Variants in UBE4A observed in about 807,000 individuals in gnomAD.
UBE4A encodes ubiquitin conjugation factor E4 A.
Under a neutral mutation model 117.9 loss-of-function variants are expected in UBE4A, and 48 were observed. The ratio of observed to expected loss-of-function variants is 0.41; its 90% CI spans 0.32 to 0.52. The LOEUF (loss-of-function observed/expected upper bound fraction) is 0.52. Among genes scored for constraint, UBE4A ranks in the 20% least tolerant of loss-of-function variants. The pLI is 0.33. For missense variants in UBE4A, 1,067 were observed against 1,296.3 expected (o/e 0.82, Z 2.72); for synonymous variants, 407 against 450.0 (o/e 0.90, Z 1.21).
chr11:118,369,879 G>A (rs1591296050), intron 4 of UBE4A, among the ~76,000 whole-genome samples: 3 of 151,896 alleles, frequency 2.0e-5, no homozygotes, highest in Middle Eastern at 6.8e-3. Flanking sequence ...GGATCACGAG[G>A]TCAGGAGATC....
intron 19 of UBE4A, 46 bp downstream of exon 19, chr11:118,392,941 G>A: frequency 6.4e-7 from 1 of 1,572,154 alleles, no homozygotes; most frequent in South Asian, 1.2e-5. Context: ...ATATATATTA[G>A]TTTGCTATCT....
chr11:118,376,318 T>A (rs1948651920), intron 9 of UBE4A, among the ~76,000 whole-genome samples: 1 of 152,208 alleles, frequency 6.6e-6, no homozygotes, highest in South Asian at 2.1e-4. Flanking sequence ...ACAAAATAAA[T>A]ACAAATGATC....
In UBE4A at chr11:118,396,536, C is replaced by A; in HGVS notation, c.*96C>A. The A allele has an allele frequency of 8.5e-4, 891 of 1,053,252 alleles. No individual in the cohort carries two copies. Among genetic ancestry groups the A allele is most frequent in the Non-Finnish European group, 1.0e-3 (806 of 774,770 alleles). 65.2% of individuals were successfully genotyped at this position (1,053,252 alleles called of 1,614,324 possible). On this transcript the variant is annotated 3_prime_UTR_variant, in exon 20 of 20. Transcript: ENST00000252108. ...TCTGGTTCTGTTCCTTTTCTTTCTT[C>A]TTTTCTTTTTCTTTTTTTTTTTTTT...
At chr11:118,364,455 A>G (rs920725168) in intron 1 of UBE4A, among the ~76,000 whole-genome samples, 4 of 152,136 alleles carry the variant, frequency 2.6e-5, no homozygotes, top group African/African-American at 9.7e-5. Context: ...AGATTGCTTA[A>G]TCTATGTTAA....
chr11:118,383,938 A>G (rs1326114174), intron 13 of UBE4A, among the ~76,000 whole-genome samples: 1 of 152,222 alleles, frequency 6.6e-6, no homozygotes, highest in Non-Finnish European at 1.5e-5. Context: ...TGTATAATAA[A>G]TCATTGCAGT....
chr11:118,389,976 C>G, intron 17 of UBE4A, 71 bp downstream of exon 17: 1 of 1,386,076 alleles, frequency 7.2e-7, no homozygotes, highest in Non-Finnish European at 9.7e-7. Context: ...AGTAGAATGA[C>G]TGGTTGGTAA....
Position 118,371,668 on chromosome 11 carries a change from T to G in UBE4A, c.561+2T>G. The G allele has an allele frequency of 6.2e-7, 1 of 1,610,374 alleles. No homozygotes were observed. Among genetic ancestry groups the G allele is most frequent in the Non-Finnish European group, 8.5e-7 (1 of 1,179,678 alleles). ...TGCTTCCAGAGAGCCAAGGAAGAGG[T>G]AAAGGAATAATCCCCATTGAATACT... On this transcript the variant is annotated splice_donor_variant, in intron 5 of 19. Coordinates refer to ENST00000252108, the MANE Select transcript of UBE4A (RefSeq NM_001204077.2). LOFTEE classifies it high-confidence loss of function.
rs772231827 is a variant in UBE4A at position 118,368,778 on chromosome 11, G to T, written c.269G>T (p.Arg90Met). The T allele has an allele frequency of 6.2e-7, 1 of 1,614,132 alleles. No homozygotes were observed. The highest frequency in any genetic ancestry group is 8.5e-7 in the Non-Finnish European group (1 of 1,180,014). The change falls in exon 3 of 20, where the codon AGG becomes ATG. Residue 90 changes from arginine (R) to methionine (M), a missense_variant. Arg to Met is a moderately conservative substitution (Grantham distance 91, BLOSUM62 -1). This residue lies in a region of UBE4A where 1,001 missense variants were observed against 1,184.0 expected (regional missense o/e 0.85). Coordinates refer to ENST00000252108, the MANE Select transcript of UBE4A (RefSeq NM_001204077.2). ...CTCAACATCAATCACATGATCCAAA[G>T]GATCTTCCTTATTACTCTGGACAAC... ...EQLNINHMIQRIFLITLDNSD... is the reference protein window; with the variant it reads ...EQLNINHMIQMIFLITLDNSD...
intron 2 of UBE4A, among the ~76,000 whole-genome samples, chr11:118,368,427 C>G (rs1270496184): frequency 6.6e-6 from 1 of 152,170 alleles, no homozygotes; most frequent in African/African-American, 2.4e-5. Flanking sequence ...AAAACTTTTG[C>G]TTTGTAAAAT....
At chr11:118,368,892 G>T (rs1488060170) in intron 3 of UBE4A, 88 bp downstream of exon 3, 11 of 1,391,308 alleles carry the variant, frequency 7.9e-6, no homozygotes, top group Non-Finnish European at 1.1e-5. Context: ...ACAGCTAATG[G>T]TTAGATACAA....
At chr11:118,383,147 T>G (rs1479601369) in intron 13 of UBE4A, among the ~76,000 whole-genome samples, 1 of 152,200 alleles carries the variant, frequency 6.6e-6, no homozygotes, top group Non-Finnish European at 1.5e-5. Flanking sequence ...TGTTGCATCA[T>G]CAAATCAGAC....
At chr11:118,361,037 T>A (rs1948516970) in intron 1 of UBE4A, among the ~76,000 whole-genome samples, 1 of 137,022 alleles carries the variant, frequency 7.3e-6, no homozygotes. Flanking sequence ...TGAGACAGAG[T>A]CTGGCTCTGT....
chr11:118,379,907 AT>A (rs1233752905), intron 11 of UBE4A, among the ~76,000 whole-genome samples, 157 bp downstream of exon 11: 1 of 152,244 alleles, frequency 6.6e-6, no homozygotes, highest in Non-Finnish European at 1.5e-5. Flanking sequence ...TGGTCAAAGT[AT>A]TAGGGGACTA....
intron 17 of UBE4A, among the ~76,000 whole-genome samples, chr11:118,390,373 A>G (rs1948800865): frequency 6.8e-6 from 1 of 146,092 alleles, no homozygotes; most frequent in Admixed American, 6.9e-5. Flanking sequence ...TATTAAATAT[A>G]TAATATATTT....
chr11:118,372,785 G>A (rs1948619669), intron 6 of UBE4A, 119 bp downstream of exon 6: 6 of 1,434,590 alleles, frequency 4.2e-6, no homozygotes, highest in Non-Finnish European at 5.7e-6. Context: ...AAGGAGGAGG[G>A]CTCACATCTT....
At position 118,366,073 on chromosome 11, in the gene UBE4A, A is replaced by C. The variant is rs573803620; in HGVS notation, c.121+872A>C. Among the ~76,000 whole-genome samples, 265 of 152,206 alleles carry C rather than the reference A, an allele frequency of 1.7e-3. 2 individuals carry two copies. The highest frequency in any genetic ancestry group is 6.0e-3 in the African/African-American group (251 of 41,560). ...TATTTTGTTTATTTAAAAAAAAAAA[A>C]AACACTCAGGTGCATAGCTGACTTT... On this transcript the variant is annotated intron_variant, in intron 2 of 19. Coordinates refer to ENST00000252108, the MANE Select transcript of UBE4A (RefSeq NM_001204077.2).
intron 8 of UBE4A, among the ~76,000 whole-genome samples, chr11:118,374,158 C>T (rs1409157718): frequency 1.3e-5 from 2 of 151,990 alleles, no homozygotes; most frequent in Non-Finnish European, 2.9e-5. Flanking sequence ...AAGAACAGCA[C>T]GTGTGGGGTA....
rs1555127298 is a variant in UBE4A at position 118,386,599 on chromosome 11, C to T, written c.2574C>T (p.Ala858=). The T allele has an allele frequency of 6.4e-7, 1 of 1,573,960 alleles. No homozygotes were observed. Among genetic ancestry groups the T allele is most frequent in the East Asian group, 2.4e-5 (1 of 41,984 alleles). The change falls in exon 16 of 20, where the codon GCC becomes GCT. Residue 858 remains alanine (A), a synonymous_variant. Coordinates refer to ENST00000252108, the MANE Select transcript of UBE4A (RefSeq NM_001204077.2). ...CCAATGAAACAATCGGTACCCTTGC[C>T]TTTCTCACATCAGGTAAGGACATGA... ...IMSNETIGTL[A]FLTSEIKSLF...
chr11:118,379,353 C>T, intron 10 of UBE4A, 93 bp from the exon 11 acceptor site: 2 of 1,397,502 alleles, frequency 1.4e-6, no homozygotes, highest in Non-Finnish European at 2.0e-6. Context: ...CCCTACTATC[C>T]TTAAAGAGAA....
Sources: allele counts gnomAD v4.1 joint callset (sites outside exome capture counted in the v4.1 genomes callset), GRCh38; gene constraint gnomAD v4.1.1; regional missense constraint gnomAD v4.1.1; transcripts MANE v1.5; gene names NCBI Gene and HGNC (gene_info 2026-07-23, HGNC 2026-07-21).